MME: variants seen among roughly 807,000 people sequenced by gnomAD.
MME encodes neprilysin.
MME carries 98 observed loss-of-function variants against 113.2 expected under a neutral mutation model. The ratio of observed to expected loss-of-function variants is 0.87; its 90% CI spans 0.74 to 1.02. The LOEUF (loss-of-function observed/expected upper bound fraction) is 1.02. MME is among the 50% of genes least tolerant of loss of function. MME has a pLI of 0.00. For synonymous variants in MME, 292 were observed against 300.6 expected (o/e 0.97, Z 0.30); for missense variants, 836 against 896.0 (o/e 0.93, Z 0.86).
At chr3:155,125,527 T>C (rs1178428210) in intron 8 of MME, among the ~76,000 whole-genome samples, 1 of 139,490 alleles carries the variant, frequency 7.2e-6, no homozygotes, top group African/African-American at 2.6e-5. Context: ...TGGCGCAATC[T>C]TGGGTCACTG....
chr3:155,042,940 G>GTATGTATA (rs1553749814), intron 1 of MME, among the ~76,000 whole-genome samples: 21 of 53,580 alleles, frequency 3.9e-4, no homozygotes, highest in East Asian at 6.1e-4. Flanking sequence ...ATATATATAT[G>GTATGTATA]TATATATATA....
intron 22 of MME, among the ~76,000 whole-genome samples, chr3:155,173,195 C>G (rs929704842): frequency 4.6e-5 from 7 of 151,890 alleles, no homozygotes; most frequent in African/African-American, 1.2e-4. Flanking sequence ...GAGAGTCACT[C>G]CAACCAACAT....
At position 155,085,105 on chromosome 3, in the gene MME, GT is replaced by G; in HGVS notation, c.196+16del. ...ACTGCATAAAATCAGGTAAGAAATG[GT>G]TTTTACGTGTAATAGTTATACAACT... On this transcript the variant is annotated intron_variant, in intron 3 of 22. Coordinates refer to ENST00000360490, the MANE Select transcript of MME (RefSeq NM_007289.4). 2.6e-6 allele frequency: 4 copies of G among 1,542,400 alleles called. No individual in the cohort carries two copies. Among genetic ancestry groups the G allele is most frequent in the Non-Finnish European group, 3.6e-6 (4 of 1,120,160 alleles).
At chr3:155,076,304 C>T (rs188594917), upstream of MME, among the ~76,000 whole-genome samples, 197 of 152,274 alleles carry the variant, frequency 1.3e-3, 3 homozygotes, top group South Asian at 0.013. Context: ...GGTGAGGAGT[C>T]GGAGTTGGGG....
chr3:155,170,194 G>GCCA (rs1057347565), intron 20 of MME, among the ~76,000 whole-genome samples: 14 of 152,006 alleles, frequency 9.2e-5, no homozygotes, highest in African/African-American at 3.4e-4. Flanking sequence ...ACAGGCATGT[G>GCCA]CCACCACACC....
intron 22 of MME, among the ~76,000 whole-genome samples, chr3:155,173,671 C>T (rs1712218428): frequency 6.6e-6 from 1 of 151,774 alleles, no homozygotes; most frequent in South Asian, 2.1e-4. Context: ...CCTATTATCT[C>T]TGTAATCCAA....
intron 3 of MME, among the ~76,000 whole-genome samples, chr3:155,098,534 C>A (rs569043950): frequency 2.0e-5 from 3 of 148,614 alleles, no homozygotes; most frequent in African/African-American, 7.5e-5. Flanking sequence ...CCGGCCTGGG[C>A]GGCAGAGTGA....
At chr3:155,144,282 A>T in intron 13 of MME, 77 bp from the exon 14 acceptor site, 1 of 942,938 alleles carries the variant, frequency 1.1e-6, no homozygotes, top group Non-Finnish European at 1.8e-6. Flanking sequence ...CAAAGATAGC[A>T]TGTAGCTCTA....
intron 16 of MME, chr3:155,158,875 C>G (rs963718313): frequency 6.6e-6 from 1 of 151,942 alleles, no homozygotes. Flanking sequence ...ATCAGTCCCC[C>G]CCCATCCTGT....
At chr3:155,160,205 G>GTTT (rs1435644006) in intron 16 of MME, among the ~76,000 whole-genome samples, 185 bp from the exon 17 acceptor site, 1 of 152,046 alleles carries the variant, frequency 6.6e-6, no homozygotes, top group African/African-American at 2.4e-5. Context: ...ATATGCTGAT[G>GTTT]TTTTTCAAGA....
chr3:155,036,066 A>G (rs1320121928), intron 1 of MME, among the ~76,000 whole-genome samples: 1 of 152,140 alleles, frequency 6.6e-6, no homozygotes, highest in African/African-American at 2.4e-5. Context: ...GGTAAAGCAG[A>G]TGGAATTTAC....
intron 1 of MME, among the ~76,000 whole-genome samples, chr3:155,061,574 T>C (rs1031245146): frequency 6.6e-6 from 1 of 152,034 alleles, no homozygotes; most frequent in Non-Finnish European, 1.5e-5. Context: ...TTGTTATTGA[T>C]GTATAGAAAT....
intron 8 of MME, among the ~76,000 whole-genome samples, chr3:155,136,686 T>C (rs1189444128): frequency 6.6e-6 from 1 of 152,214 alleles, no homozygotes; most frequent in Non-Finnish European, 1.5e-5. Context: ...CCTATTAGTT[T>C]TAGGTTTGAT....
At chr3:155,042,661 C>G (rs1440439697) in intron 1 of MME, among the ~76,000 whole-genome samples, 1 of 151,680 alleles carries the variant, frequency 6.6e-6, no homozygotes, top group African/African-American at 2.4e-5. Flanking sequence ...CATGCCCTCC[C>G]CACCATTGGA....
intron 1 of MME, chr3:155,081,414 C>T (rs555087541): frequency 6.6e-6 from 1 of 152,252 alleles, no homozygotes; most frequent in African/African-American, 2.4e-5. Context: ...GTAATTTATT[C>T]TGTTGGTAAT....
intron 1 of MME, among the ~76,000 whole-genome samples, chr3:155,029,353 C>A (rs1453329843): frequency 3.9e-5 from 6 of 151,994 alleles, no homozygotes; most frequent in Non-Finnish European, 2.9e-5. Flanking sequence ...TTATTCCTTT[C>A]TCCAATATTT....
rs1718835385 is a variant in MME at position 155,118,735 on chromosome 3, A to AT, written c.655-5dup. On this transcript the variant is annotated splice_polypyrimidine_tract_variant and intron_variant, in intron 7 of 22. Coordinates refer to ENST00000360490, the MANE Select transcript of MME (RefSeq NM_007289.4). Reference sequence around the variant, plus strand: ...GAATGATTTATTTTCTTTTATGTATATTTTTTATAGATTGACCAACCTCGA... The same window carrying AT: ...GAATGATTTATTTTCTTTTATGTATATTTTTTTATAGATTGACCAACCTCGA... 3 of 1,536,740 alleles carry AT rather than the reference A, an allele frequency of 2.0e-6. No individual in the cohort carries two copies. Among genetic ancestry groups the AT allele is most frequent in the Non-Finnish European group, 2.7e-6 (3 of 1,115,308 alleles).
At chr3:155,101,016 G>C (rs539463341) in intron 3 of MME, among the ~76,000 whole-genome samples, 4 of 152,126 alleles carry the variant, frequency 2.6e-5, no homozygotes, top group Non-Finnish European at 5.9e-5. Flanking sequence ...CTAATGACTT[G>C]GCCCTGTCTT....
chr3:155,173,061 G>A (rs975769271), intron 22 of MME, among the ~76,000 whole-genome samples: 9 of 152,086 alleles, frequency 5.9e-5, no homozygotes, highest in Non-Finnish European at 1.3e-4. Flanking sequence ...AGCTTCAGGA[G>A]AGAGTACATT....
Sources: gnomAD v4.1 joint callset for allele counts (sites outside exome capture counted in the v4.1 genomes callset) on GRCh38, gnomAD v4.1.1 for gene constraint, MANE v1.5 for transcripts, NCBI Gene and HGNC (gene_info 2026-07-23, HGNC 2026-07-21) for gene names.